Variants in DDR1 observed in about 807,000 individuals in gnomAD.
The protein encoded by DDR1 is epithelial discoidin domain-containing receptor 1.
A neutral mutation model predicts 97.4 loss-of-function variants in DDR1; 64 were observed. That is an observed-to-expected ratio of 0.66 (90% CI 0.54 to 0.81). The LOEUF is 0.81. DDR1 is among the 30% of genes least tolerant of loss of function. The pLI, the probability that DDR1 is intolerant of heterozygous loss-of-function variation, is 0.00. For synonymous variants in DDR1, 458 were observed against 503.7 expected (o/e 0.91, Z 1.21); for missense variants, 990 against 1,259.6 (o/e 0.79, Z 3.24).
At position 30,897,342 on chromosome 6, in the gene DDR1, A is replaced by G; in HGVS notation, c.1998-37A>G. 1 of 1,607,864 alleles carries G rather than the reference A, an allele frequency of 6.2e-7. No individual in the cohort carries two copies. Among genetic ancestry groups the G allele is most frequent in the Non-Finnish European group, 8.5e-7 (1 of 1,176,940 alleles). On this transcript the variant is annotated intron_variant, in intron 14 of 17. Transcript: ENST00000376568. This position sits in a 1 kb window ranked among gnomAD's most constrained non-coding sequence, Gnocchi z 5.2. The stretch of plus-strand genomic sequence containing the variant: ...GCGCGGGGGAAGGTGCAGGCCGCCC[A>G]CTCGGCATTCCTCTTCAGCTTCTCC...
In DDR1 at chr6:30,890,955, C is replaced by G. The variant is rs1787891954; in HGVS notation, c.418-18C>G. Reference sequence around the variant, plus strand: ...ACCTGGACTCCATCCCACCCACCCCCTGTTTCCTGGCCCACAGGTGATCTC... The same window carrying G: ...ACCTGGACTCCATCCCACCCACCCCGTGTTTCCTGGCCCACAGGTGATCTC... On this transcript the variant is annotated intron_variant, in intron 4 of 17. Coordinates refer to ENST00000376568, the MANE Select transcript of DDR1 (RefSeq NM_001297654.2). The surrounding 1 kb of genome is among the most constrained non-coding windows in gnomAD (Gnocchi z 5.0). 2 of 1,498,774 alleles carry G rather than the reference C, an allele frequency of 1.3e-6. No individual in the cohort carries two copies. Among genetic ancestry groups the G allele is most frequent in the African/African-American group, 1.7e-5 (1 of 59,972 alleles). 92.8% of individuals were successfully genotyped at this position (1,498,774 alleles called of 1,614,324 possible).
chr6:30,895,303 C>A, intron 11 of DDR1, 101 bp from the exon 12 acceptor site: 1 of 784,228 alleles, frequency 1.3e-6, no homozygotes, highest in South Asian at 1.8e-5. Flanking sequence ...TTAATGCAAT[C>A]ATCCCATCAG....
chr6:30,891,080 C>T lies in DDR1; in HGVS notation c.525C>T (p.Ser175=), dbSNP rs1049622. The change falls in exon 5 of 18, where the codon AGC becomes AGT. Residue 175 remains serine, a synonymous_variant. Transcript: ENST00000376568. The surrounding 1 kb of genome is among the most constrained non-coding windows in gnomAD (Gnocchi z 5.3). ...ACCCCCGGGCTGACCGGGTCATGAG[C>T]GTCTGTCTGCGGGTAGAGCTCTATG... ...RFYPRADRVM[S]VCLRVELYGC... The T allele has an allele frequency of 0.23, 368,461 of 1,612,640 alleles. 53,130 individuals are homozygous for T. The highest frequency in any genetic ancestry group is 0.58 in the East Asian group (26,154 of 44,866).
Position 30,888,838 on chromosome 6 carries a change from C to T in DDR1, c.85+24C>T, listed in dbSNP as rs942873515. On this transcript the variant is annotated intron_variant, in intron 2 of 17. Coordinates refer to ENST00000376568, the MANE Select transcript of DDR1 (RefSeq NM_001297654.2). The surrounding 1 kb of genome is among the most constrained non-coding windows in gnomAD (Gnocchi z 4.2). ...TGGTGAGGAGACTGAATCATGGGTCCCTGAGGGCCAGGGCTTGGGAGGTAG... is the reference window on the plus strand; with the variant it reads ...TGGTGAGGAGACTGAATCATGGGTCTCTGAGGGCCAGGGCTTGGGAGGTAG... 70 of 1,612,786 alleles carry T rather than the reference C, an allele frequency of 4.3e-5. No individual in the cohort carries two copies. The highest frequency in any genetic ancestry group is 5.7e-5 in the Non-Finnish European group (67 of 1,179,994).
rs1163443137 is a variant in DDR1 at position 30,895,523 on chromosome 6, C to T, written c.1624+9C>T. 6.4e-7 allele frequency: 1 copy of T among 1,560,750 alleles called. No homozygotes were observed. The highest frequency in any genetic ancestry group is 8.7e-7 in the Non-Finnish European group (1 of 1,149,396). The stretch of plus-strand genomic sequence containing the variant: ...ACCCACCAACACCCAGGGTAAGCCC[C>T]TCTGCCCCTGGGCTCCGCCAGGCTC... On this transcript the variant is annotated intron_variant, in intron 12 of 17. Coordinates refer to ENST00000376568, the MANE Select transcript of DDR1 (RefSeq NM_001297654.2).
rs138871494 is a variant in DDR1 at position 30,889,126 on chromosome 6, A to G, written c.189-76A>G. On this transcript the variant is annotated intron_variant, in intron 3 of 17. Coordinates refer to ENST00000376568, the MANE Select transcript of DDR1 (RefSeq NM_001297654.2). This position sits in a 1 kb window ranked among gnomAD's most constrained non-coding sequence, Gnocchi z 4.9. ...AAACCCCTGCAGGCTGAGGGGGCAA[A>G]TGAAGTGGGGTTTAAATACTGGAGA... 6.3e-7 allele frequency: 1 copy of G among 1,586,460 alleles called. No individual in the cohort carries two copies. Among genetic ancestry groups the G allele is most frequent in the Non-Finnish European group, 8.6e-7 (1 of 1,157,102 alleles).
intron 10 of DDR1, among the ~76,000 whole-genome samples, 195 bp downstream of exon 10, chr6:30,893,618 G>A (rs993637318): frequency 3.9e-5 from 6 of 152,024 alleles, no homozygotes; most frequent in East Asian, 1.9e-4. Flanking sequence ...TCTGCTCAGC[G>A]GAGAGGAGCA....
chr6:30,893,997 C>G (rs6906158), intron 10 of DDR1, among the ~76,000 whole-genome samples: 3,860 of 152,240 alleles, frequency 0.025, 130 homozygotes, highest in African/African-American at 0.069. Context: ...TGCCTGTAAT[C>G]CTAGCACTTT....
Position 30,898,142 on chromosome 6 carries a change from T to G in DDR1, c.2286T>G (p.Phe762Leu), listed in dbSNP as rs561305840. ...SGMRYLATLN[F>L]VHRDLATRNC... ...TGCGCTATCTGGCCACACTCAACTT[T>G]GTACATCGGGACCTGGCCACGCGGA... The change falls in exon 16 of 18, where the codon TTT becomes TTG. Residue 762 changes from phenylalanine (F) to leucine (L), a missense_variant. Coordinates refer to ENST00000376568, the MANE Select transcript of DDR1 (RefSeq NM_001297654.2). 1.1e-4 allele frequency: 173 copies of G among 1,614,136 alleles called. No homozygotes were observed. Among genetic ancestry groups the G allele is most frequent in the Non-Finnish European group, 1.4e-4 (166 of 1,180,048 alleles).
rs1354107908 is a variant in DDR1 at position 30,886,414 on chromosome 6, T to C, written c.-43+1704T>C. Reference sequence around the variant, plus strand: ...CTGGACCCTAAGGGACCAGGCGTGATGCCTTCTGGTTCTAGCCTCTGAGTG... The same window carrying C: ...CTGGACCCTAAGGGACCAGGCGTGACGCCTTCTGGTTCTAGCCTCTGAGTG... On this transcript the variant is annotated intron_variant, in intron 1 of 17. Transcript: ENST00000376568. The surrounding 1 kb of genome is among the most constrained non-coding windows in gnomAD (Gnocchi z 4.6). Among the ~76,000 whole-genome samples, 1 of 152,176 alleles carries C rather than the reference T, an allele frequency of 6.6e-6. No individual in the cohort carries two copies. Among genetic ancestry groups the C allele is most frequent in the African/African-American group, 2.4e-5 (1 of 41,434 alleles).
At chr6:30,893,900 C>T (rs1255748303) in intron 10 of DDR1, among the ~76,000 whole-genome samples, 1 of 152,174 alleles carries the variant, frequency 6.6e-6, no homozygotes, top group Non-Finnish European at 1.5e-5. Flanking sequence ...AAAGGGAAGA[C>T]GTCTGGCACA....
rs2150390463 is a variant in DDR1, at chr6:30,894,475, C to T, written c.1348-31C>T. 1 of 1,582,098 alleles carries T rather than the reference C, an allele frequency of 6.3e-7. No homozygotes were observed. Among genetic ancestry groups the T allele is most frequent in the Non-Finnish European group, 8.6e-7 (1 of 1,162,072 alleles). On this transcript the variant is annotated intron_variant, in intron 10 of 17. Transcript: ENST00000376568. The surrounding 1 kb of genome is among the most constrained non-coding windows in gnomAD (Gnocchi z 5.7). ...GGGCCAGGCCGTGTGTGCTGAGCAA[C>T]ACGGGTGATGCCTCCCATCCCTATG...
chr6:30,890,788 A>C lies in DDR1; in HGVS notation c.418-185A>C, dbSNP rs1787806299. ...AACATCAGAGCTGCGACAGAGCCAG[A>C]GGTCTCAGCTGCAGATCTTCATTTC... On this transcript the variant is annotated intron_variant, in intron 4 of 17. Transcript: ENST00000376568. The surrounding 1 kb of genome is among the most constrained non-coding windows in gnomAD (Gnocchi z 5.0). 5.4e-6 allele frequency: 3 copies of C among 559,978 alleles called. No individual in the cohort carries two copies. The East Asian group carries it at 9.6e-5, about 18-fold the overall frequency. The allele number at this position is 559,978 out of a possible 1,614,324, so 34.7% of individuals were successfully genotyped here.
At chr6:30,885,743 G>A (rs919392271) in intron 1 of DDR1, 8 of 1,294,630 alleles carry the variant, frequency 6.2e-6, no homozygotes, top group Non-Finnish European at 8.1e-6. Context: ...ACTCTGTGAG[G>A]GTTGTCAGGG....
Position 30,884,997 on chromosome 6 carries a change from C to T in DDR1, c.-43+287C>T. The T allele has an allele frequency of 1.9e-6, 1 of 528,814 alleles. No homozygotes were observed. The highest frequency in any genetic ancestry group is 3.4e-6 in the Non-Finnish European group (1 of 292,380). 32.8% of individuals were successfully genotyped at this position (528,814 alleles called of 1,614,324 possible). ...TCTCACTCAGTGCGGAGGAACTGAG[C>T]CCCGGGAGGAGGTGCTCCTGTGCAG... On this transcript the variant is annotated intron_variant, in intron 1 of 17. Transcript: ENST00000376568. This position sits in a 1 kb window ranked among gnomAD's most constrained non-coding sequence, Gnocchi z 6.1.
At chr6:30,896,247 G>A (rs570621298) in intron 12 of DDR1, among the ~76,000 whole-genome samples, 2 of 151,996 alleles carry the variant, frequency 1.3e-5, no homozygotes, top group East Asian at 2.0e-4. Flanking sequence ...GGGTTTGGAA[G>A]GTGGAGGGTG....
In DDR1 at chr6:30,891,027, C is replaced by G; in HGVS notation, c.472C>G (p.Pro158Ala). The part of the protein sequence containing the change: ...EGVVLKDLGP[P>A]MVARLVRFYP... ...AGTGGTGCTGAAGGACCTTGGGCCC[C>G]CCATGGTTGCCCGACTGGTTCGCTT... The change falls in exon 5 of 18, where the codon CCC becomes GCC. Residue 158 changes from proline to alanine, a missense_variant. Coordinates refer to ENST00000376568, the MANE Select transcript of DDR1 (RefSeq NM_001297654.2). The surrounding 1 kb of genome is among the most constrained non-coding windows in gnomAD (Gnocchi z 5.3). 1 of 1,612,950 alleles carries G rather than the reference C, an allele frequency of 6.2e-7. No homozygotes were observed. The highest frequency in any genetic ancestry group is 1.1e-5 in the South Asian group (1 of 91,074).
chr6:30,891,140 G>A lies in DDR1; in HGVS notation c.565+20G>A. 6.2e-7 allele frequency: 1 copy of A among 1,612,546 alleles called. No homozygotes were observed. The highest frequency in any genetic ancestry group is 8.5e-7 in the Non-Finnish European group (1 of 1,179,920). ...GGAGGGGTGAGTGGCTCAGCTTCCT[G>A]GGAATCTGTTTCCTGAGCAGGGGAC... is the stretch of plus-strand genomic sequence containing the variant. On this transcript the variant is annotated intron_variant, in intron 5 of 17. Coordinates refer to ENST00000376568, the MANE Select transcript of DDR1 (RefSeq NM_001297654.2). This position sits in a 1 kb window ranked among gnomAD's most constrained non-coding sequence, Gnocchi z 5.3.
At chr6:30,892,862 C>T (rs115360433) in intron 8 of DDR1, 9,573 of 599,740 alleles carry the variant, frequency 0.016, 170 homozygotes, top group Admixed American at 0.034. Flanking sequence ...CTGTCCTCCA[C>T]CTCCCCACAA....
Sources: gnomAD v4.1 joint callset for allele counts (sites outside exome capture counted in the v4.1 genomes callset) on GRCh38, gnomAD v4.1.1 for gene constraint, Gnocchi (gnomAD v3.1) non-coding constraint, MANE v1.5 for transcripts, NCBI Gene and HGNC (gene_info 2026-07-23, HGNC 2026-07-21) for gene names.